MCC: variants seen among roughly 807,000 people sequenced by gnomAD.
MCC encodes the protein colorectal mutant cancer protein.
Under a neutral mutation model 116.2 loss-of-function variants are expected in MCC, and 90 were observed. The ratio of observed to expected loss-of-function variants is 0.77; its 90% CI spans 0.65 to 0.92. The LOEUF is 0.92. Among genes scored for constraint, MCC ranks in the 40% least tolerant of loss-of-function variants. The probability of loss-of-function intolerance (pLI) is 0.00; values close to 1 mark genes in which losing one functional copy is unlikely to be tolerated. For missense variants in MCC, 1,516 were observed against 1,312.2 expected, an observed-to-expected ratio of 1.16 and a Z score of -2.40; for synonymous variants, 578 against 510.5, an observed-to-expected ratio of 1.13 and a Z score of -1.78.
At chr5:113,333,958 A>G (rs961134975) in intron 3 of MCC, among the ~76,000 whole-genome samples, 98 of 141,458 alleles carry the variant, frequency 6.9e-4, no homozygotes, top group Non-Finnish European at 1.3e-3. Context: ...ACAAATGATT[A>G]CTTTTACTTT....
intron 5 of MCC, among the ~76,000 whole-genome samples, chr5:113,126,028 A>T (rs150959917): frequency 1.8e-4 from 27 of 152,342 alleles, no homozygotes; most frequent in African/African-American, 6.3e-4. Context: ...CTGTAGTGGT[A>T]GGTTTATAAT....
chr5:113,433,076 T>C (rs890944709), intron 1 of MCC: 2 of 153,210 alleles, frequency 1.3e-5, no homozygotes, highest in Non-Finnish European at 2.9e-5. Flanking sequence ...GAAGCACATA[T>C]GGGGCACAAG....
intron 3 of MCC, among the ~76,000 whole-genome samples, chr5:113,202,991 C>T (rs998338801): frequency 6.6e-6 from 1 of 152,134 alleles, no homozygotes; most frequent in African/African-American, 2.4e-5. Flanking sequence ...CAGTAAAGCG[C>T]ATACAATTTT....
chr5:113,183,864 A>G (rs1308114210), intron 3 of MCC, among the ~76,000 whole-genome samples: 1 of 152,166 alleles, frequency 6.6e-6, no homozygotes, highest in Non-Finnish European at 1.5e-5. Context: ...GACACCCATT[A>G]GCCCTTTCCA....
intron 3 of MCC, among the ~76,000 whole-genome samples, chr5:113,306,905 A>T (rs1766999376): frequency 6.6e-6 from 1 of 152,180 alleles, no homozygotes; most frequent in African/African-American, 2.4e-5. Context: ...ATTGAAAAAA[A>T]AAGTATTCTT....
intron 1 of MCC, among the ~76,000 whole-genome samples, chr5:113,402,759 G>A (rs952648701): frequency 6.6e-6 from 1 of 152,108 alleles, no homozygotes; most frequent in African/African-American, 2.4e-5. Flanking sequence ...GAGATTTAAT[G>A]CAGCATAGGC....
At chr5:113,169,571 A>G (rs1227638458) in intron 3 of MCC, among the ~76,000 whole-genome samples, 4 of 152,206 alleles carry the variant, frequency 2.6e-5, no homozygotes, top group African/African-American at 9.6e-5. Flanking sequence ...ATTAAGACCC[A>G]GTCAAACTGC....
chr5:113,173,963 T>G (rs1444987659), intron 3 of MCC, among the ~76,000 whole-genome samples: 1 of 152,124 alleles, frequency 6.6e-6, no homozygotes, highest in African/African-American at 2.4e-5. Flanking sequence ...TCTACATTAC[T>G]GCAACAGCAA....
intron 6 of MCC, among the ~76,000 whole-genome samples, chr5:113,112,455 G>T (rs1389934089): frequency 1.3e-5 from 2 of 152,140 alleles, no homozygotes; most frequent in Admixed American, 1.3e-4. Flanking sequence ...CATGTAAGAT[G>T]TGCTTGCTTC....
At chr5:113,052,150 T>G (rs1178574196) in intron 15 of MCC, among the ~76,000 whole-genome samples, 2 of 152,206 alleles carry the variant, frequency 1.3e-5, no homozygotes, top group African/African-American at 2.4e-5. Flanking sequence ...AAAAATGTCT[T>G]TCTTAGGTAG....
chr5:113,104,640 G>T (rs1756629045), intron 6 of MCC: 1 of 261,084 alleles, frequency 3.8e-6, no homozygotes, highest in East Asian at 7.5e-5. Flanking sequence ...GAAATGCCCA[G>T]AAGAGGCTGT....
At chr5:113,262,093 T>TA (rs1389368423) in intron 3 of MCC, among the ~76,000 whole-genome samples, 1 of 152,140 alleles carries the variant, frequency 6.6e-6, no homozygotes, top group Admixed American at 6.6e-5. Context: ...TTTTAATTTT[T>TA]ATTTTTTTTT....
intron 3 of MCC, among the ~76,000 whole-genome samples, chr5:113,152,805 C>T (rs1241812073): frequency 6.6e-6 from 1 of 152,018 alleles, no homozygotes; most frequent in Non-Finnish European, 1.5e-5. Flanking sequence ...AGCAAACCAA[C>T]AGATCAATAG....
At chr5:113,158,916 T>C (rs1760327268) in intron 3 of MCC, among the ~76,000 whole-genome samples, 1 of 152,108 alleles carries the variant, frequency 6.6e-6, no homozygotes, top group South Asian at 2.1e-4. Context: ...TGCGTAAACC[T>C]GCTTGTGTCC....
intron 2 of MCC, among the ~76,000 whole-genome samples, chr5:113,368,636 T>C (rs1449034634): frequency 6.6e-6 from 1 of 151,914 alleles, no homozygotes. Flanking sequence ...TTTTTTTTCC[T>C]ATTCTTTCAC....
chr5:113,269,525 CA>C (rs1464837339), intron 3 of MCC, among the ~76,000 whole-genome samples: 2 of 152,230 alleles, frequency 1.3e-5, no homozygotes, highest in African/African-American at 4.8e-5. Flanking sequence ...GACTCTCCCA[CA>C]AACTGTTTGC....
chr5:113,159,425 G>A (rs1458469836), intron 3 of MCC, among the ~76,000 whole-genome samples: 1 of 152,156 alleles, frequency 6.6e-6, no homozygotes, highest in African/African-American at 2.4e-5. Flanking sequence ...CCACTGGCAA[G>A]GGAATTTGAG....
chr5:113,273,092 A>G (rs918269368), intron 3 of MCC, among the ~76,000 whole-genome samples: 2 of 152,270 alleles, frequency 1.3e-5, no homozygotes, highest in African/African-American at 4.8e-5. Flanking sequence ...GTTCAATAAT[A>G]CTAGAAAGAA....
chr5:113,134,261 G>C (rs1758653310), intron 5 of MCC, among the ~76,000 whole-genome samples: 1 of 152,262 alleles, frequency 6.6e-6, no homozygotes, highest in East Asian at 1.9e-4. Context: ...CGAGAGATTG[G>C]TGTCTGGTTT....
Sources: allele counts gnomAD v4.1 joint callset (sites outside exome capture counted in the v4.1 genomes callset), GRCh38; gene constraint gnomAD v4.1.1; transcripts MANE v1.5; gene names NCBI Gene and HGNC (gene_info 2026-07-23, HGNC 2026-07-21).